Variants in ADRA1B observed in about 807,000 individuals in gnomAD.
ADRA1B encodes alpha-1B adrenergic receptor.
ADRA1B carries 17 observed loss-of-function variants against 17.9 expected under a neutral mutation model. The ratio of observed to expected loss-of-function variants is 0.95; its 90% CI spans 0.65 to 1.42. The LOEUF (loss-of-function observed/expected upper bound fraction) is 1.42. Among genes scored for constraint, ADRA1B ranks in the 40% most tolerant of loss-of-function variants. ADRA1B has a pLI of 0.00. For missense variants in ADRA1B, 681 were observed against 722.1 expected (o/e 0.94, Z 0.65); for synonymous variants, 366 against 327.6 (o/e 1.12, Z -1.27).
chr5:159,968,989 A>G (rs60236037), intron 1 of ADRA1B, among the ~76,000 whole-genome samples: 11,183 of 152,220 alleles, frequency 0.073, 1,399 homozygotes, highest in African/African-American at 0.25. Context: ...ACAACTCCCC[A>G]CATCAGGGAA....
chr5:159,983,272 T>C, the ADRA1B span, among the ~76,000 whole-genome samples: 1 of 152,148 alleles, frequency 6.6e-6, no homozygotes, highest in Non-Finnish European at 1.5e-5. Flanking sequence ...GGCCAGCTAG[T>C]CCAGGGCTGT....
At chr5:159,927,541 A>T (rs1754694414) in intron 1 of ADRA1B, among the ~76,000 whole-genome samples, 1 of 152,122 alleles carries the variant, frequency 6.6e-6, no homozygotes, top group Non-Finnish European at 1.5e-5. Context: ...CAGCTTTGCG[A>T]ATGCTCTGAA....
At chr5:159,901,719 A>C (rs1195088096) in intron 1 of ADRA1B, among the ~76,000 whole-genome samples, 3 of 152,186 alleles carry the variant, frequency 2.0e-5, no homozygotes, top group African/African-American at 7.2e-5. Context: ...ATTTCTCCAG[A>C]GGAGATATGC....
chr5:159,929,500 G>A (rs1754743856), intron 1 of ADRA1B, among the ~76,000 whole-genome samples: 1 of 147,612 alleles, frequency 6.8e-6, no homozygotes, highest in African/African-American at 2.5e-5. Context: ...CCAAGTTTAT[G>A]GACCCTCTAA....
At chr5:159,889,695 G>A (rs1489769812) in intron 1 of ADRA1B, among the ~76,000 whole-genome samples, 1 of 152,156 alleles carries the variant, frequency 6.6e-6, no homozygotes, top group Non-Finnish European at 1.5e-5. Context: ...CAACGGCTGT[G>A]GCATCCATGT....
chr5:159,966,075 G>T (rs1755771806), intron 1 of ADRA1B, among the ~76,000 whole-genome samples: 1 of 151,996 alleles, frequency 6.6e-6, no homozygotes, highest in African/African-American at 2.4e-5. Context: ...TACCCAGCCA[G>T]AACTCTGAAT....
intron 1 of ADRA1B, among the ~76,000 whole-genome samples, chr5:159,939,101 A>G (rs540429337): frequency 1.4e-4 from 22 of 152,292 alleles, no homozygotes; most frequent in African/African-American, 4.3e-4. Flanking sequence ...GATTAGTCCA[A>G]GGTCCCTCAG....
At chr5:159,969,107 T>C (rs1295462979) in intron 1 of ADRA1B, among the ~76,000 whole-genome samples, 3 of 152,068 alleles carry the variant, frequency 2.0e-5, no homozygotes, top group African/African-American at 7.2e-5. Flanking sequence ...ATGGTGTGAG[T>C]CTTGTCACAA....
At chr5:159,915,533 A>G (rs1280012936), upstream of ADRA1B, among the ~76,000 whole-genome samples, 1 of 152,184 alleles carries the variant, frequency 6.6e-6, no homozygotes, top group Admixed American at 6.5e-5. Context: ...TGAATGTCCA[A>G]CATGGATATC....
intron 1 of ADRA1B, chr5:159,948,020 T>C: frequency 4.1e-6 from 4 of 985,478 alleles, no homozygotes; most frequent in Non-Finnish European, 4.8e-6. Context: ...GTCTAATTAG[T>C]AAGCATGGCC....
intron 1 of ADRA1B, among the ~76,000 whole-genome samples, chr5:159,905,375 C>A (rs1250061705): frequency 2.0e-5 from 3 of 152,214 alleles, no homozygotes; most frequent in Non-Finnish European, 1.5e-5. Context: ...ATCAAAAAGG[C>A]TGGGCCAGAA....
At chr5:159,896,437 T>C (rs985702437) in intron 1 of ADRA1B, among the ~76,000 whole-genome samples, 1 of 152,226 alleles carries the variant, frequency 6.6e-6, no homozygotes, top group Admixed American at 6.5e-5. Context: ...CTTGTGTCAA[T>C]TCTCCTGAGA....
chr5:159,911,451 C>A (rs1445191011), intron 1 of ADRA1B, among the ~76,000 whole-genome samples: 1 of 152,196 alleles, frequency 6.6e-6, no homozygotes, highest in Non-Finnish European at 1.5e-5. Flanking sequence ...AGCTCCCAGG[C>A]TCTCCCCAAA....
At chr5:159,913,051 A>G (rs1754243458), upstream of ADRA1B, among the ~76,000 whole-genome samples, 1 of 152,182 alleles carries the variant, frequency 6.6e-6, no homozygotes, top group African/African-American at 2.4e-5. Context: ...CCTCCCATAG[A>G]TGTCTTAAGC....
At chr5:159,918,673 C>T (rs921436888) in intron 1 of ADRA1B, among the ~76,000 whole-genome samples, 17 of 152,150 alleles carry the variant, frequency 1.1e-4, no homozygotes, top group Admixed American at 4.6e-4. Flanking sequence ...AAAACATGTT[C>T]GTCTTCTTTT....
intron 1 of ADRA1B, among the ~76,000 whole-genome samples, chr5:159,899,263 A>AAAG (rs1754070577): frequency 9.4e-6 from 1 of 106,410 alleles, no homozygotes; most frequent in Non-Finnish European, 1.9e-5. Flanking sequence ...AGGAAGGAAG[A>AAAG]AAGGAAGGAA....
In ADRA1B at chr5:159,972,861, G is replaced by GA. The variant is rs1755911218; in HGVS notation, c.*370dup. 6.6e-6 allele frequency among the ~76,000 whole-genome samples: 1 copy of GA among 152,200 alleles called. No individual in the cohort carries two copies. Among genetic ancestry groups the GA allele is most frequent in the African/African-American group, 2.4e-5 (1 of 41,466 alleles). On this transcript the variant is annotated 3_prime_UTR_variant, in exon 2 of 2. Coordinates refer to ENST00000306675, the MANE Select transcript of ADRA1B (RefSeq NM_000679.4). ...GTGTGTGTGCGTGGGGCCGCCCTGT[G>GA]AGGGCGCGGCGACTGTGCGCCCAGG...
At chr5:159,923,113 G>C (rs961660963) in intron 1 of ADRA1B, among the ~76,000 whole-genome samples, 2 of 152,274 alleles carry the variant, frequency 1.3e-5, no homozygotes, top group Admixed American at 6.5e-5. Flanking sequence ...GCCAGAGAGA[G>C]TGGAGAACTA....
chr5:159,950,692 G>T, intron 1 of ADRA1B: 1 of 716,712 alleles, frequency 1.4e-6, no homozygotes, highest in Non-Finnish European at 2.6e-6. Flanking sequence ...GATGCCCTTG[G>T]GGGGACACTC....
Sources: gnomAD v4.1 joint callset for allele counts (sites outside exome capture counted in the v4.1 genomes callset) on GRCh38, gnomAD v4.1.1 for gene constraint, MANE v1.5 for transcripts, NCBI Gene and HGNC (gene_info 2026-07-23, HGNC 2026-07-21) for gene names.